DPP10: variants seen among roughly 807,000 people sequenced by gnomAD.
The protein encoded by DPP10 is dipeptidyl peptidase like 10, also known as inactive dipeptidyl peptidase 10.
Under a neutral mutation model 120.9 loss-of-function variants are expected in DPP10, and 33 were observed. The ratio of observed to expected loss-of-function variants is 0.27; its 90% CI spans 0.21 to 0.37. The LOEUF (loss-of-function observed/expected upper bound fraction) is 0.37, where lower values mean the gene tolerates loss of function less well. Ranked by LOEUF, DPP10 falls within the 10% of genes least tolerant of loss-of-function variation. DPP10 has a pLI of 1.00. For synonymous variants in DPP10, 337 were observed against 326.1 expected, an observed-to-expected ratio of 1.03 and a Z score of -0.36; for missense variants, 816 against 942.8, an observed-to-expected ratio of 0.87 and a Z score of 1.76.
chr2:114,766,549 G>A (rs1299194178), intron 1 of DPP10, among the ~76,000 whole-genome samples: 1 of 151,822 alleles, frequency 6.6e-6, no homozygotes, highest in Non-Finnish European at 1.5e-5. Flanking sequence ...GTGGGTGAAT[G>A]GTTAACAGGT....
chr2:115,749,299 C>T (rs926446146), intron 10 of DPP10, among the ~76,000 whole-genome samples: 5 of 152,222 alleles, frequency 3.3e-5, no homozygotes, highest in African/African-American at 7.2e-5. Context: ...AGAAGTGATA[C>T]GTGGTCATTT....
intron 1 of DPP10, among the ~76,000 whole-genome samples, chr2:115,196,902 T>C (rs1213485232): frequency 6.6e-6 from 1 of 152,190 alleles, no homozygotes; most frequent in African/African-American, 2.4e-5. Flanking sequence ...AGCCATATAC[T>C]AGAATAAAAT....
At chr2:115,093,031 C>A (rs1228271426) in intron 1 of DPP10, among the ~76,000 whole-genome samples, 1 of 151,982 alleles carries the variant, frequency 6.6e-6, no homozygotes, top group Non-Finnish European at 1.5e-5. Context: ...TGGCTTTTTG[C>A]CACCCATTAA....
intron 5 of DPP10, among the ~76,000 whole-genome samples, chr2:115,671,147 A>C (rs1427669661): frequency 2.0e-5 from 3 of 152,026 alleles, no homozygotes; most frequent in Non-Finnish European, 2.9e-5. Context: ...ATAATTTTCA[A>C]AGTATTTGAA....
At chr2:115,174,650 T>C (rs72955516) in intron 1 of DPP10, among the ~76,000 whole-genome samples, 1,753 of 152,316 alleles carry the variant, frequency 0.012, 28 homozygotes, top group African/African-American at 0.036. Context: ...AGTGCCCCAG[T>C]TTGACATTGA....
intron 1 of DPP10, among the ~76,000 whole-genome samples, chr2:114,574,724 G>A (rs960755265): frequency 1.3e-5 from 2 of 152,170 alleles, no homozygotes; most frequent in African/African-American, 2.4e-5. Context: ...ACAAGGAAAA[G>A]GGCTAGATTA....
intron 1 of DPP10, among the ~76,000 whole-genome samples, chr2:115,300,775 G>C (rs1396947145): frequency 2.0e-5 from 3 of 151,916 alleles, no homozygotes. Flanking sequence ...AGCTCTCAGA[G>C]TGTATTTAAG....
intron 1 of DPP10, among the ~76,000 whole-genome samples, chr2:115,230,807 C>G (rs1000915138): frequency 2.0e-5 from 3 of 151,964 alleles, no homozygotes; most frequent in Non-Finnish European, 4.4e-5. Flanking sequence ...CCATAGTATT[C>G]TAACATGGCT....
At chr2:114,800,862 A>T (rs1684132084) in intron 1 of DPP10, among the ~76,000 whole-genome samples, 1 of 152,122 alleles carries the variant, frequency 6.6e-6, no homozygotes, top group Admixed American at 6.6e-5. Flanking sequence ...AGTGACAACC[A>T]AGGAAATCAT....
At chr2:115,002,249 G>A (rs1265655087) in intron 1 of DPP10, among the ~76,000 whole-genome samples, 3 of 151,950 alleles carry the variant, frequency 2.0e-5, no homozygotes, top group Admixed American at 6.6e-5. Context: ...CTTAGAAAAA[G>A]CTGACAAAAA....
At position 115,309,361 on chromosome 2, in the gene DPP10, G is replaced by A. The variant is rs2061489873; in HGVS notation, c.175+8G>A. ...TCATCCTCTTAACCCCAGGTAATCT[G>A]TCTTTATTCCTCTCTTATGATGGAT... On this transcript the variant is annotated splice_region_variant and intron_variant, in intron 2 of 25. Coordinates refer to ENST00000410059, the MANE Select transcript of DPP10 (RefSeq NM_020868.6). The A allele has an allele frequency of 1.2e-6, 2 of 1,609,760 alleles. No individual in the cohort carries two copies. Among genetic ancestry groups the A allele is most frequent in the East Asian group, 2.2e-5 (1 of 44,750 alleles).
chr2:114,933,169 G>T (rs1337018442), intron 1 of DPP10, among the ~76,000 whole-genome samples: 1 of 152,142 alleles, frequency 6.6e-6, no homozygotes, highest in Non-Finnish European at 1.5e-5. Flanking sequence ...TGCTCTTAGG[G>T]AGCTTATATT....
At chr2:114,754,423 A>G (rs547732186) in intron 1 of DPP10, among the ~76,000 whole-genome samples, 2 of 152,302 alleles carry the variant, frequency 1.3e-5, no homozygotes, top group East Asian at 1.9e-4. Context: ...CCTTTTATGT[A>G]TAATGATTCG....
At chr2:115,557,464 C>T (rs2080288859) in intron 5 of DPP10, among the ~76,000 whole-genome samples, 1 of 152,170 alleles carries the variant, frequency 6.6e-6, no homozygotes, top group African/African-American at 2.4e-5. Flanking sequence ...GAACCCTACC[C>T]TCCATCTGTA....
Position 114,573,217 on chromosome 2 carries a change from C to CA in DPP10, c.60+130381dup, listed in dbSNP as rs148902000. Among the ~76,000 whole-genome samples the CA allele has an allele frequency of 7.2e-4, 110 of 152,296 alleles. 2 individuals are homozygous for CA. The East Asian group carries it at 0.019, about 27-fold the overall frequency. Reference sequence around the variant, plus strand: ...CAGGCTGGTCTTGAAATCCTGACCACAAGCAATATTCCCACCTTGGCTTTC... The same window carrying CA: ...CAGGCTGGTCTTGAAATCCTGACCACAAAGCAATATTCCCACCTTGGCTTTC... On this transcript the variant is annotated intron_variant, in intron 1 of 25. Coordinates refer to ENST00000410059, the MANE Select transcript of DPP10 (RefSeq NM_020868.6).
At chr2:114,756,747 A>G (rs559997628) in intron 1 of DPP10, among the ~76,000 whole-genome samples, 4 of 152,230 alleles carry the variant, frequency 2.6e-5, no homozygotes, top group East Asian at 1.9e-4. Context: ...TGCCAATTCA[A>G]TATGGCAAGA....
At chr2:115,472,150 C>G (rs2074769547) in intron 3 of DPP10, among the ~76,000 whole-genome samples, 2 of 151,904 alleles carry the variant, frequency 1.3e-5, no homozygotes. Flanking sequence ...TGATAATAAC[C>G]CTTTATGTGT....
At chr2:115,251,735 C>T (rs2058761795) in intron 1 of DPP10, among the ~76,000 whole-genome samples, 1 of 152,132 alleles carries the variant, frequency 6.6e-6, no homozygotes, top group African/African-American at 2.4e-5. Flanking sequence ...GAACCCCAAG[C>T]ATAATTCTGT....
chr2:115,324,270 C>T (rs970823890), intron 2 of DPP10, among the ~76,000 whole-genome samples: 14 of 151,882 alleles, frequency 9.2e-5, no homozygotes, highest in East Asian at 5.8e-4. Context: ...AGCGACACTC[C>T]GTCTCAAAAA....
Sources: gnomAD v4.1 joint callset for allele counts (sites outside exome capture counted in the v4.1 genomes callset) on GRCh38, gnomAD v4.1.1 for gene constraint, MANE v1.5 for transcripts, NCBI Gene and HGNC (gene_info 2026-07-23, HGNC 2026-07-21) for gene names.